SREBF1: variants seen among roughly 807,000 people sequenced by gnomAD.
SREBF1 encodes the protein sterol regulatory element binding transcription factor 1, also known as sterol regulatory element-binding protein 1.
SREBF1 carries 45 observed loss-of-function variants against 100.1 expected under a neutral mutation model. That is an observed-to-expected ratio of 0.45 (90% CI 0.35 to 0.58). SREBF1 has a LOEUF of 0.58. Ranked by LOEUF, SREBF1 falls within the 20% of genes least tolerant of loss-of-function variation. The pLI is 0.00. For synonymous variants in SREBF1, 657 were observed against 681.8 expected (o/e 0.96, Z 0.57); for missense variants, 1,324 against 1,539.4 (o/e 0.86, Z 2.34).
Position 17,816,318 on chromosome 17 carries a change from G to C in SREBF1, c.2103C>G (p.Asn701Lys). ...TATNLALSAL[N>K]LAECAGDAVS... is the part of the protein sequence containing the mutation. ...CGGCATCCCCTGCACACTCTGCCAGGTTCAGGGCACTCAGCGCCAGGTTGG... is the reference window on the plus strand; with the variant it reads ...CGGCATCCCCTGCACACTCTGCCAGCTTCAGGGCACTCAGCGCCAGGTTGG... The change falls in exon 11 of 19, where the codon AAC (asparagine) becomes AAG (lysine). Residue 701 changes from asparagine to lysine, a missense_variant. Transcript: ENST00000261646. 1 of 1,590,648 alleles carries C rather than the reference G, an allele frequency of 6.3e-7. No individual in the cohort carries two copies. Among genetic ancestry groups the C allele is most frequent in the Non-Finnish European group, 8.5e-7 (1 of 1,170,994 alleles).
chr17:17,819,840 C>T, intron 2 of SREBF1, 115 bp from the exon 3 acceptor site: 1 of 1,374,502 alleles, frequency 7.3e-7, no homozygotes. Flanking sequence ...CATGTGGCTT[C>T]CTATGGACAG....
In SREBF1 at chr17:17,816,028, G is replaced by A. The variant is rs371263092; in HGVS notation, c.2215C>T (p.Arg739Cys). The change falls in exon 12 of 19, where the codon CGC (arginine) becomes TGC (cysteine). Residue 739 changes from arginine to cysteine, a missense_variant and splice_region_variant. Physicochemically the swap from Arg to Cys is radical, Grantham distance 180. Coordinates refer to ENST00000261646, the MANE Select transcript of SREBF1 (RefSeq NM_004176.5). ...SLPRALHFLT[R>C]FFLSSARQAC... ...TGGCGGGCACTGCTCAGGAAGAAGC[G>A]CTGTAGGGGAGGGTACTGGGCTGTC... The A allele has an allele frequency of 2.6e-5, 42 of 1,611,804 alleles. No homozygotes were observed. The highest frequency in any genetic ancestry group is 2.2e-4 in the South Asian group (20 of 91,010).
chr17:17,831,272 A>G (rs1280619724), intron 1 of SREBF1, among the ~76,000 whole-genome samples: 2 of 151,876 alleles, frequency 1.3e-5, no homozygotes, highest in Non-Finnish European at 2.9e-5. Flanking sequence ...ATGGGGTGGC[A>G]GAGCGGGCCC....
In SREBF1 at chr17:17,812,161, A is replaced by C. The variant is rs2032937631; in HGVS notation, c.*461T>G. The C allele has an allele frequency of 4.6e-6, 2 of 431,774 alleles. No individual in the cohort carries two copies. Among genetic ancestry groups the C allele is most frequent in the Non-Finnish European group, 8.8e-6 (2 of 226,946 alleles). 26.7% of individuals were successfully genotyped at this position (431,774 alleles called of 1,614,324 possible). On this transcript the variant is annotated 3_prime_UTR_variant, in exon 19 of 19. Transcript: ENST00000261646. ...TTTGCAAAAGGCAAAGTAGCACAGG[A>C]GCCTCAGGTCAGGAGGCTAAGCACG...
At chr17:17,834,785 CG>C in intron 1 of SREBF1, among the ~76,000 whole-genome samples, 1 of 152,268 alleles carries the variant, frequency 6.6e-6, no homozygotes, top group East Asian at 1.9e-4. Flanking sequence ...GAGGCTGAGG[CG>C]GGCGGATCAC....
intron 1 of SREBF1, among the ~76,000 whole-genome samples, chr17:17,835,592 C>T (rs555870026): frequency 2.6e-5 from 4 of 152,334 alleles, no homozygotes; most frequent in African/African-American, 9.6e-5. Flanking sequence ...GTTCCTGCGA[C>T]CTTGGCCTCA....
chr17:17,818,489 G>T, intron 5 of SREBF1, 115 bp from the exon 6 acceptor site: 1 of 744,570 alleles, frequency 1.3e-6, no homozygotes, highest in Non-Finnish European at 2.4e-6. Flanking sequence ...TACTGCCTCA[G>T]GACCTTTGCA....
chr17:17,820,066 CCT>C (rs1567975380), intron 2 of SREBF1, 22 bp downstream of exon 2: 2 of 1,600,522 alleles, frequency 1.2e-6, no homozygotes, highest in Admixed American at 3.4e-5. Flanking sequence ...CCGGGTGTCC[CCT>C]CCCGCCACAC....
intron 1 of SREBF1, 70 bp downstream of exon 1, chr17:17,836,642 GGGGAGACAAAGGCCA>G: frequency 2.9e-6 from 4 of 1,364,248 alleles, no homozygotes; most frequent in Non-Finnish European, 4.0e-6. Context: ...GGCGCCCGTG[GGGGAGACAAAGGCCA>G]GGGAGACACC....
At chr17:17,833,843 C>A (rs151099135) in intron 1 of SREBF1, among the ~76,000 whole-genome samples, 1 of 151,840 alleles carries the variant, frequency 6.6e-6, no homozygotes, top group Non-Finnish European at 1.5e-5. Context: ...CCAGGCGTGG[C>A]GGTGCATGAC....
intron 1 of SREBF1, among the ~76,000 whole-genome samples, chr17:17,821,410 G>A (rs1180914985): frequency 2.6e-5 from 4 of 152,154 alleles, no homozygotes; most frequent in Non-Finnish European, 5.9e-5. Context: ...CAGTCTTTGG[G>A]ATGGAGATGG....
intron 1 of SREBF1, chr17:17,823,705 G>A: frequency 1.7e-6 from 1 of 600,184 alleles, no homozygotes; most frequent in South Asian, 4.8e-5. Flanking sequence ...CGCCCCGCCT[G>A]CAGGTCCCGC....
chr17:17,812,633 TGACAG>T lies in SREBF1; in HGVS notation c.3428_3432del (p.Thr1143AsnfsTer31), dbSNP rs773142004. 6.2e-7 allele frequency: 1 copy of T among 1,604,670 alleles called. No homozygotes were observed. The highest frequency in any genetic ancestry group is 1.1e-5 in the South Asian group (1 of 89,566). Reference sequence around the variant, plus strand: ...CGGGGACACGGGGTCTAGCTGGAAGTGACAGTGGTCCCACCGCCCAGGCGCATGAG... The same window carrying T: ...CGGGGACACGGGGTCTAGCTGGAAGTTGGTCCCACCGCCCAGGCGCATGAG... On this transcript the variant is annotated frameshift_variant, in exon 19 of 19. Coordinates refer to ENST00000261646, the MANE Select transcript of SREBF1 (RefSeq NM_004176.5). LOFTEE classifies it high-confidence loss of function.
Position 17,816,698 on chromosome 17 carries a change from G to A in SREBF1, c.1806C>T (p.Ala602=), listed in dbSNP as rs1203081685. The change falls in exon 10 of 19, where the codon GCC becomes GCT. Residue 602 remains alanine (A), a synonymous_variant. Coordinates refer to ENST00000261646, the MANE Select transcript of SREBF1 (RefSeq NM_004176.5). The part of the protein sequence containing the change: ...DLARGDFAQA[A]QQLWLALRAL... ...CCCGCAGGGCCAGCCACAGCTGCTG[G>A]GCAGCCTGGGCAAAGTCTCCCTGTG... 3 of 1,581,250 alleles carry A rather than the reference G, an allele frequency of 1.9e-6. No individual in the cohort carries two copies. The highest frequency in any genetic ancestry group is 2.6e-6 in the Non-Finnish European group (3 of 1,164,462).
intron 6 of SREBF1, 147 bp downstream of exon 6, chr17:17,818,113 T>G: frequency 1.4e-6 from 1 of 728,784 alleles, no homozygotes; most frequent in Non-Finnish European, 2.2e-6. Flanking sequence ...TAGAGCTGAA[T>G]GCAGGGCTAC....
chr17:17,812,758 G>A lies in SREBF1; in HGVS notation c.3308C>T (p.Ser1103Leu), dbSNP rs761110252. 1.0e-5 allele frequency: 16 copies of A among 1,542,870 alleles called. No individual in the cohort carries two copies. The highest frequency in any genetic ancestry group is 2.4e-5 in the East Asian group (1 of 41,134). Residue 1103 changes from serine (S) to leucine (L), a missense_variant, in exon 19 of 19, where the codon TCG becomes TTG. Coordinates refer to ENST00000261646, the MANE Select transcript of SREBF1 (RefSeq NM_004176.5). Reference protein sequence around the residue: ...ASCYLPPGFLSAPGQRVGMLA... With the variant: ...ASCYLPPGFLLAPGQRVGMLA... Reference sequence around the variant, plus strand: ...CATGCCCACGCGCTGCCCGGGCGCCGACAGGAAGCCGGGGGGCAGGTAGCA... The same window carrying A: ...CATGCCCACGCGCTGCCCGGGCGCCAACAGGAAGCCGGGGGGCAGGTAGCA...
At position 17,817,216 on chromosome 17, in the gene SREBF1, G is replaced by A. The variant is rs762587398; in HGVS notation, c.1606+40C>T. ...GTTCACAAGCCTGGGGGCTCACCCC[G>A]AGTGTCCCTCCCAAAGATGCCCAGG... On this transcript the variant is annotated intron_variant, in intron 8 of 18. Transcript: ENST00000261646. The surrounding 1 kb of genome is among the most constrained non-coding windows in gnomAD (Gnocchi z 6.6). The A allele has an allele frequency of 1.6e-5, 26 of 1,608,972 alleles. No homozygotes were observed. The highest frequency in any genetic ancestry group is 2.0e-5 in the Non-Finnish European group (24 of 1,178,132).
intron 1 of SREBF1, 200 bp from the exon 2 acceptor site, chr17:17,820,721 G>A (rs2034038529): frequency 3.1e-6 from 2 of 647,636 alleles, no homozygotes; most frequent in Non-Finnish European, 5.6e-6. Flanking sequence ...CACCTGTGCT[G>A]TCTAAAGCAA....
rs2033902997 is a variant in SREBF1, at chr17:17,819,316, C to A, written c.846+4G>T. ...CTCCCTTATGCCCTGCCCACGTCAC[C>A]CACCGGCAAAGGCCCTGTCTGCACA... On this transcript the variant is annotated splice_donor_region_variant and intron_variant, in intron 4 of 18. Transcript: ENST00000261646. 6.2e-7 allele frequency: 1 copy of A among 1,613,668 alleles called. No individual in the cohort carries two copies. The highest frequency in any genetic ancestry group is 1.3e-5 in the African/African-American group (1 of 74,952).
Sources: gnomAD v4.1 joint callset for allele counts (sites outside exome capture counted in the v4.1 genomes callset) on GRCh38, gnomAD v4.1.1 for gene constraint, Gnocchi (gnomAD v3.1) non-coding constraint, MANE v1.5 for transcripts, NCBI Gene and HGNC (gene_info 2026-07-23, HGNC 2026-07-21) for gene names.